The following SLC10A6 variants were observed in gnomAD, a reference collection of about 807,000 sequenced individuals.
SLC10A6 encodes sodium-dependent organic anion transporter.
A neutral mutation model predicts 30.0 loss-of-function variants in SLC10A6; 27 were observed. The observed-to-expected ratio is 0.90, with a 90% CI of 0.66 to 1.24. The LOEUF (loss-of-function observed/expected upper bound fraction) is 1.24. Ranked by LOEUF, SLC10A6 falls within the 50% of genes most tolerant of loss-of-function variation. SLC10A6 has a pLI of 0.00. For synonymous variants in SLC10A6, 166 were observed against 173.8 expected (o/e 0.95, Z 0.36); for missense variants, 439 against 457.0 (o/e 0.96, Z 0.36).
At chr4:86,828,855 ATAACC>A (rs1307452105) in intron 3 of SLC10A6, among the ~76,000 whole-genome samples, 1 of 152,212 alleles carries the variant, frequency 6.6e-6, no homozygotes, top group Non-Finnish European at 1.5e-5. Flanking sequence ...GGAAGAAAGC[ATAACC>A]TAGGGTATTT....
intron 1 of SLC10A6, among the ~76,000 whole-genome samples, chr4:86,845,731 C>T (rs1228377781): frequency 6.6e-6 from 1 of 152,144 alleles, no homozygotes; most frequent in Non-Finnish European, 1.5e-5. Flanking sequence ...GAACTGTGAG[C>T]AACACAGCAA....
At chr4:86,825,861 G>A (rs776107099) in intron 4 of SLC10A6, among the ~76,000 whole-genome samples, 1 of 152,232 alleles carries the variant, frequency 6.6e-6, no homozygotes, top group Non-Finnish European at 1.5e-5. Flanking sequence ...CAAAGGCCAC[G>A]CAGATGTAGA....
intron 1 of SLC10A6, among the ~76,000 whole-genome samples, chr4:86,842,786 T>TTTTCCTTCTTTCTTTCTTTC (rs1746312975): frequency 9.4e-6 from 1 of 106,696 alleles, no homozygotes; most frequent in Admixed American, 1.0e-4. Context: ...TGGACACCTC[T>TTTTCCTTCTTTCTTTCTTTC]TTTCTTTCTT....
rs189253276 is a variant in SLC10A6, at chr4:86,845,349, C to A, written c.377+3390G>T. ...GAGAACTATGAGCAGCCCATTTTGA[C>A]TAAAAACCATTGTTCTTAAGGGGAC... is the stretch of plus-strand genomic sequence containing the variant. On this transcript the variant is annotated intron_variant, in intron 1 of 5. Coordinates refer to ENST00000273905, the MANE Select transcript of SLC10A6 (RefSeq NM_197965.3). Among the ~76,000 whole-genome samples the A allele has an allele frequency of 4.1e-3, 629 of 152,240 alleles. 1 individual carries two copies. The highest frequency in any genetic ancestry group is 0.014 in the African/African-American group (591 of 41,544).
At chr4:86,847,517 G>C (rs552771465) in intron 1 of SLC10A6, among the ~76,000 whole-genome samples, 2 of 152,070 alleles carry the variant, frequency 1.3e-5, no homozygotes. Context: ...TATATGAGTG[G>C]CTTTTACCAT....
Position 86,837,324 on chromosome 4 carries a change from A to AG in SLC10A6, c.378-3901dup, listed in dbSNP as rs1333648244. Among the ~76,000 whole-genome samples the AG allele has an allele frequency of 8.8e-5, 13 of 148,536 alleles. 2 individuals are homozygous for AG. The highest frequency in any genetic ancestry group is 7.9e-4 in the East Asian group (4 of 5,064). Reference sequence around the variant, plus strand: ...AAGGAAGGAAGGAAGGAAGGAAGGAAGGAAGGAAGGAAGGAAGGAAGGCAG... The same window carrying AG: ...AAGGAAGGAAGGAAGGAAGGAAGGAAGGGAAGGAAGGAAGGAAGGAAGGCAG... On this transcript the variant is annotated intron_variant, in intron 1 of 5. Coordinates refer to ENST00000273905, the MANE Select transcript of SLC10A6 (RefSeq NM_197965.3).
intron 4 of SLC10A6, among the ~76,000 whole-genome samples, chr4:86,826,895 G>A (rs1746009228): frequency 6.6e-6 from 1 of 152,208 alleles, no homozygotes; most frequent in African/African-American, 2.4e-5. Context: ...GTGCAAGCTG[G>A]ACTGGAATGG....
intron 1 of SLC10A6, among the ~76,000 whole-genome samples, chr4:86,843,299 C>T (rs554736875): frequency 6.6e-6 from 1 of 152,076 alleles, no homozygotes; most frequent in East Asian, 1.9e-4. Context: ...GATGAGCAAG[C>T]CTTCCAGGAG....
At chr4:86,837,053 T>G (rs757073423) in intron 1 of SLC10A6, among the ~76,000 whole-genome samples, 5 of 151,868 alleles carry the variant, frequency 3.3e-5, no homozygotes, top group African/African-American at 4.8e-5. Flanking sequence ...CATAATATAC[T>G]GTGTTTTTGT....
At position 86,849,115 on chromosome 4, in the gene SLC10A6, TCTC is replaced by T; in HGVS notation, c.-3_-1del. On this transcript the variant is annotated 5_prime_UTR_variant, in exon 1 of 6. Transcript: ENST00000273905. Reference sequence around the variant, plus strand: ...GAGCTGCTGGAACAATTGGCTCTCATCTCCTCATCTCCTTAAGGCAGCATTACA... The same window carrying T: ...GAGCTGCTGGAACAATTGGCTCTCATCTCATCTCCTTAAGGCAGCATTACA... The T allele has an allele frequency of 6.2e-7, 1 of 1,610,562 alleles. No homozygotes were observed. Among genetic ancestry groups the T allele is most frequent in the South Asian group, 1.1e-5 (1 of 90,424 alleles).
At chr4:86,840,709 A>G (rs1027379369) in intron 1 of SLC10A6, among the ~76,000 whole-genome samples, 1 of 152,194 alleles carries the variant, frequency 6.6e-6, no homozygotes, top group Non-Finnish European at 1.5e-5. Flanking sequence ...GCCCAAGTGT[A>G]CACAAAATAT....
In SLC10A6 at chr4:86,833,329, A is replaced by G. The variant is rs1018653385; in HGVS notation, c.473T>C (p.Leu158Pro). 1.2e-6 allele frequency: 2 copies of G among 1,613,790 alleles called. No individual in the cohort carries two copies. The highest frequency in any genetic ancestry group is 1.7e-6 in the Non-Finnish European group (2 of 1,179,824). Residue 158 changes from leucine (L) to proline (P), a missense_variant, in exon 2 of 6, where the codon CTC becomes CCC. By Grantham distance (98) the Leu-to-Pro change is moderately conservative (BLOSUM62 -3). Coordinates refer to ENST00000273905, the MANE Select transcript of SLC10A6 (RefSeq NM_197965.3). ...ACCTATGTTCTGATAAGGAATGGTG[A>G]GATTCTGCTGAAGACTCCAGGACCA... ...YTWSWSLQQN[L>P]TIPYQNIGIT... is the part of the protein sequence containing the mutation.
intron 1 of SLC10A6, among the ~76,000 whole-genome samples, chr4:86,845,567 C>G (rs1746379415): frequency 6.6e-6 from 1 of 152,192 alleles, no homozygotes; most frequent in South Asian, 2.1e-4. Flanking sequence ...AATCTGGTAT[C>G]AGAGCCTGCC....
chr4:86,835,233 A>C (rs1024404454), intron 1 of SLC10A6, among the ~76,000 whole-genome samples: 1 of 152,174 alleles, frequency 6.6e-6, no homozygotes, highest in African/African-American at 2.4e-5. Flanking sequence ...AGTGACCCCC[A>C]CAGTCGCTGA....
At chr4:86,835,889 C>T (rs1175115868) in intron 1 of SLC10A6, among the ~76,000 whole-genome samples, 4 of 152,066 alleles carry the variant, frequency 2.6e-5, no homozygotes, top group Non-Finnish European at 4.4e-5. Context: ...AGTCACTTAG[C>T]ATCAGTTAGA....
At position 86,825,870 on chromosome 4, in the gene SLC10A6, G is replaced by C. The variant is rs1436434511; in HGVS notation, c.762-293C>G. ...TATGGCCAAAGGCCACGCAGATGTA[G>C]AAATTTAGAAAATGGCAGAAGGGGT... On this transcript the variant is annotated intron_variant, in intron 4 of 5. Transcript: ENST00000273905. Among the ~76,000 whole-genome samples the C allele has an allele frequency of 2.6e-5, 4 of 152,238 alleles. No homozygotes were observed. The South Asian group carries it at 6.2e-4, about 24-fold the overall frequency.
At chr4:86,831,689 G>C (rs1746083404) in intron 3 of SLC10A6, 103 bp downstream of exon 3, 1 of 887,858 alleles carries the variant, frequency 1.1e-6, no homozygotes, top group East Asian at 2.6e-5. Flanking sequence ...TTCTGGGTGT[G>C]GGGCCGTACT....
chr4:86,824,806 T>C (rs1273048667), intron 5 of SLC10A6, among the ~76,000 whole-genome samples: 2 of 152,178 alleles, frequency 1.3e-5, no homozygotes, highest in Non-Finnish European at 2.9e-5. Context: ...CTCCCACTTG[T>C]AAGTGAGGTA....
intron 1 of SLC10A6, among the ~76,000 whole-genome samples, chr4:86,839,958 G>C (rs1008572859): frequency 7.3e-5 from 11 of 150,502 alleles, no homozygotes; most frequent in African/African-American, 2.2e-4. Context: ...ACCCAGTCTG[G>C]AGTGCAGTGG....
Sources: gnomAD v4.1 joint callset for allele counts (sites outside exome capture counted in the v4.1 genomes callset) on GRCh38, gnomAD v4.1.1 for gene constraint, MANE v1.5 for transcripts, NCBI Gene and HGNC (gene_info 2026-07-23, HGNC 2026-07-21) for gene names.